The following USP25 variants were observed in gnomAD, a reference collection of about 807,000 sequenced individuals.
USP25 encodes ubiquitin carboxyl-terminal hydrolase 25.
In USP25, 85 loss-of-function variants were observed where a neutral mutation model predicts 158.5. The ratio of observed to expected loss-of-function variants is 0.54; its 90% CI spans 0.45 to 0.64. The LOEUF is 0.64. Ranked by LOEUF, USP25 falls within the 30% of genes least tolerant of loss-of-function variation. USP25 has a pLI of 0.00. For missense variants in USP25, 1,242 were observed against 1,327.3 expected, an observed-to-expected ratio of 0.94 and a Z score of 1.00; for synonymous variants, 464 against 460.4, an observed-to-expected ratio of 1.01 and a Z score of -0.10.
intron 10 of USP25, among the ~76,000 whole-genome samples, chr21:15,822,141 A>G (rs781233406): frequency 6.6e-6 from 1 of 151,952 alleles, no homozygotes; most frequent in Non-Finnish European, 1.5e-5. Context: ...TTTTTTTGAA[A>G]GAAAAATTTC....
chr21:15,762,142 A>ACCAGCATGGCACATGTATACAT (rs1555827614), intron 1 of USP25, among the ~76,000 whole-genome samples: 18 of 151,306 alleles, frequency 1.2e-4, no homozygotes, highest in African/African-American at 2.2e-4. Flanking sequence ...AAAAGATTTC[A>ACCAGCATGGCACATGTATACAT]ATAGATCCTA....
At chr21:15,751,418 T>C (rs1428777950) in intron 1 of USP25, among the ~76,000 whole-genome samples, 1 of 152,222 alleles carries the variant, frequency 6.6e-6, no homozygotes, top group Non-Finnish European at 1.5e-5. Context: ...AGTATTCCAG[T>C]TTCAGAGTTC....
chr21:15,844,884 GT>G (rs2038506242), intron 18 of USP25, among the ~76,000 whole-genome samples: 3 of 151,980 alleles, frequency 2.0e-5, no homozygotes, highest in African/African-American at 7.2e-5. Context: ...ATTTCCCCAT[GT>G]TGTAAACTCA....
chr21:15,811,355 T>C (rs755155207), intron 9 of USP25, 145 bp downstream of exon 9: 1 of 688,356 alleles, frequency 1.5e-6, no homozygotes, highest in Non-Finnish European at 2.4e-6. Context: ...GCTACTGTTA[T>C]TCACATAAAG....
intron 4 of USP25, among the ~76,000 whole-genome samples, chr21:15,791,263 T>C (rs2123612527): frequency 6.6e-6 from 1 of 152,080 alleles, no homozygotes; most frequent in Non-Finnish European, 1.5e-5. Flanking sequence ...GTACTTTCTA[T>C]TATATAAAAC....
At chr21:15,857,204 T>C (rs925927634) in intron 20 of USP25, among the ~76,000 whole-genome samples, 1 of 152,230 alleles carries the variant, frequency 6.6e-6, no homozygotes, top group Non-Finnish European at 1.5e-5. Context: ...CGTGGAACTC[T>C]TCAGGCAGTG....
chr21:15,839,090 G>C (rs1006834226), intron 17 of USP25, among the ~76,000 whole-genome samples: 3 of 152,114 alleles, frequency 2.0e-5, no homozygotes, highest in African/African-American at 7.2e-5. Context: ...TTAGGAATAA[G>C]GATATTATTT....
chr21:15,814,857 C>T (rs1001088092), intron 9 of USP25, among the ~76,000 whole-genome samples: 1 of 152,142 alleles, frequency 6.6e-6, no homozygotes, highest in South Asian at 2.1e-4. Flanking sequence ...AAATTCAAGT[C>T]GTGGCTGCAG....
At chr21:15,765,836 TTATG>T (rs2034008530) in intron 2 of USP25, among the ~76,000 whole-genome samples, 157 bp from the exon 3 acceptor site, 3 of 152,072 alleles carry the variant, frequency 2.0e-5, no homozygotes, top group South Asian at 4.1e-4. Flanking sequence ...ATAGTATACT[TTATG>T]TATGATGCAT....
intron 20 of USP25, among the ~76,000 whole-genome samples, chr21:15,856,988 G>T (rs1434848267): frequency 6.6e-6 from 1 of 152,186 alleles, no homozygotes. Context: ...GATGGGAGCA[G>T]TATGTCAGCA....
At chr21:15,746,935 C>T (rs1011201780) in intron 1 of USP25, among the ~76,000 whole-genome samples, 3 of 152,172 alleles carry the variant, frequency 2.0e-5, no homozygotes, top group Admixed American at 1.3e-4. Flanking sequence ...CAGTCTTTTA[C>T]TACTAAGTAT....
intron 1 of USP25, among the ~76,000 whole-genome samples, chr21:15,752,961 G>A (rs902173504): frequency 1.3e-5 from 2 of 152,220 alleles, no homozygotes; most frequent in African/African-American, 4.8e-5. Flanking sequence ...ACCAGGATTA[G>A]TTGCCTGGTG....
chr21:15,818,537 C>T (rs778326845), intron 9 of USP25, among the ~76,000 whole-genome samples, 161 bp from the exon 10 acceptor site: 8 of 152,018 alleles, frequency 5.3e-5, no homozygotes, highest in Non-Finnish European at 1.2e-4. Context: ...TGTACATTTG[C>T]ACATGTGTAT....
chr21:15,874,952 G>C (rs995286307), intron 24 of USP25, among the ~76,000 whole-genome samples: 5 of 152,134 alleles, frequency 3.3e-5, no homozygotes, highest in Non-Finnish European at 7.4e-5. Flanking sequence ...GGATCACAAA[G>C]TCAGGAGATC....
intron 14 of USP25, among the ~76,000 whole-genome samples, chr21:15,827,995 C>T (rs1053991360): frequency 2.0e-5 from 3 of 150,884 alleles, no homozygotes; most frequent in Non-Finnish European, 4.4e-5. Context: ...AAATATAATT[C>T]CCTATTATCA....
chr21:15,870,018 A>G (rs2146585708), intron 22 of USP25, 50 bp from the exon 23 acceptor site: 1 of 1,394,854 alleles, frequency 7.2e-7, no homozygotes. Flanking sequence ...GTTTCATAGT[A>G]CTTTTTAAAT....
chr21:15,743,229 G>A (rs1025308314), intron 1 of USP25, among the ~76,000 whole-genome samples: 2 of 152,216 alleles, frequency 1.3e-5, no homozygotes, highest in Non-Finnish European at 2.9e-5. Flanking sequence ...CCATATTCCA[G>A]CAATTGGGAG....
Position 15,830,571 on chromosome 21 carries a change from A to G in USP25, c.1734A>G (p.Glu578=). The change falls in exon 15 of 26, where the codon GAA becomes GAG. Residue 578 remains glutamate, a synonymous_variant. Transcript: ENST00000400183. The part of the protein sequence containing the change: ...ESISRIHRTI[E]LMYSDKSMIQ... ...TATCCAGAATCCATCGAACAATTGA[A>G]TTAATGTACTCTGACAAATCTATGA... is the stretch of plus-strand genomic sequence containing the variant. 1.2e-6 allele frequency: 2 copies of G among 1,604,824 alleles called. No homozygotes were observed. Among genetic ancestry groups the G allele is most frequent in the African/African-American group, 1.3e-5 (1 of 74,814 alleles).
chr21:15,780,360 T>C (rs1384398424), intron 4 of USP25, among the ~76,000 whole-genome samples: 1 of 152,220 alleles, frequency 6.6e-6, no homozygotes, highest in Non-Finnish European at 1.5e-5. Context: ...ATACACTTTT[T>C]AGTGTCAGAA....
Sources: allele counts gnomAD v4.1 joint callset (sites outside exome capture counted in the v4.1 genomes callset), GRCh38; gene constraint gnomAD v4.1.1; transcripts MANE v1.5; gene names NCBI Gene and HGNC (gene_info 2026-07-23, HGNC 2026-07-21).